The following MATN2 variants were observed in gnomAD, a reference collection of about 807,000 sequenced individuals.
The protein encoded by MATN2 is matrilin-2.
A neutral mutation model predicts 103.2 loss-of-function variants in MATN2; 69 were observed. The observed-to-expected ratio is 0.67, with a 90% CI of 0.55 to 0.82. MATN2 has a LOEUF of 0.82. Ranked by LOEUF, MATN2 falls within the 40% of genes least tolerant of loss-of-function variation. The probability of loss-of-function intolerance (pLI) is 0.00; values close to 1 mark genes in which losing one functional copy is unlikely to be tolerated. For missense variants in MATN2, 1,023 were observed against 1,211.5 expected (o/e 0.84, Z 2.31); for synonymous variants, 429 against 450.2 (o/e 0.95, Z 0.60).
intron 2 of MATN2, among the ~76,000 whole-genome samples, chr8:97,913,011 G>A (rs1010268998): frequency 3.9e-5 from 6 of 152,290 alleles, no homozygotes; most frequent in Middle Eastern, 6.8e-3. Flanking sequence ...CTGGGATCAG[G>A]ATGGTGCTGC....
At chr8:97,892,428 A>C (rs1818663982) in intron 2 of MATN2, among the ~76,000 whole-genome samples, 1 of 151,108 alleles carries the variant, frequency 6.6e-6, no homozygotes, top group South Asian at 2.1e-4. Flanking sequence ...AAAAAAAAAA[A>C]AAAAAAAAAA....
At chr8:97,963,862 C>T (rs1337872085) in intron 5 of MATN2, among the ~76,000 whole-genome samples, 1 of 152,156 alleles carries the variant, frequency 6.6e-6, no homozygotes, top group African/African-American at 2.4e-5. Flanking sequence ...ATTAAGCAGG[C>T]AGTACTTTTG....
chr8:98,015,923 T>C (rs1475056170), intron 10 of MATN2, among the ~76,000 whole-genome samples: 3 of 152,196 alleles, frequency 2.0e-5, no homozygotes, highest in African/African-American at 4.8e-5. Context: ...CTAAGTGTAA[T>C]ATATACATAC....
At chr8:97,960,552 T>C (rs1811277188) in intron 4 of MATN2, among the ~76,000 whole-genome samples, 1 of 152,230 alleles carries the variant, frequency 6.6e-6, no homozygotes, top group Non-Finnish European at 1.5e-5. Flanking sequence ...TTAGTGGACA[T>C]GTAATAAATA....
intron 3 of MATN2, among the ~76,000 whole-genome samples, chr8:97,940,922 G>C (rs1810529598): frequency 6.6e-6 from 1 of 152,092 alleles, no homozygotes; most frequent in Non-Finnish European, 1.5e-5. Flanking sequence ...ACTTTGGGAG[G>C]CCAAACTGGG....
chr8:97,981,938 CG>C (rs1812039623), intron 6 of MATN2, among the ~76,000 whole-genome samples: 1 of 150,218 alleles, frequency 6.7e-6, no homozygotes, highest in Admixed American at 6.9e-5. Context: ...CTAGGAGCCA[CG>C]GGAGGGGCTG....
In MATN2 at chr8:98,016,822, T is replaced by C. The variant is rs140240747; in HGVS notation, c.1696+160T>C. ...GGACCCTGAAAGAGAAAATGGACAT[T>C]AGGGAAAAAATAAGTAAATGTCAAT... On this transcript the variant is annotated intron_variant, in intron 11 of 18. Coordinates refer to ENST00000254898, the MANE Select transcript of MATN2 (RefSeq NM_002380.5). Among the ~76,000 whole-genome samples the C allele has an allele frequency of 3.6e-3, 545 of 152,192 alleles. 4 individuals carry two copies. The highest frequency in any genetic ancestry group is 0.012 in the African/African-American group (510 of 41,538).
rs530881000 is a variant in MATN2 at position 97,974,735 on chromosome 8, G to A, written c.959-4151G>A. 5.3e-5 allele frequency among the ~76,000 whole-genome samples: 8 copies of A among 152,304 alleles called. No individual in the cohort carries two copies. In the South Asian group the frequency reaches 1.7e-3, roughly 32 times the overall value. ...GCTGGGATTACAGGCTTGAGCCACC[G>A]CGTCCAGCCCCAGCCCAGTTTTTAT... is the stretch of plus-strand genomic sequence containing the variant. On this transcript the variant is annotated intron_variant, in intron 5 of 18. Coordinates refer to ENST00000254898, the MANE Select transcript of MATN2 (RefSeq NM_002380.5).
At position 98,004,155 on chromosome 8, in the gene MATN2, G is replaced by C. The variant is rs188770102; in HGVS notation, c.1327+372G>C. 1.2e-3 allele frequency: 262 copies of C among 222,540 alleles called. 3 individuals are homozygous for C. The highest frequency in any genetic ancestry group is 5.4e-3 in the African/African-American group (242 of 45,064). 13.8% of individuals were successfully genotyped at this position (222,540 alleles called of 1,614,324 possible). A position where few individuals can be genotyped will look rare whatever the true frequency, so the allele number is the denominator to read the frequency against. On this transcript the variant is annotated intron_variant, in intron 8 of 18. Coordinates refer to ENST00000254898, the MANE Select transcript of MATN2 (RefSeq NM_002380.5). ...TACAAAAAATTAGCTGGGTGTGGTGGTGGGTGCCTATAATCCCAGCTACTC... is the reference window on the plus strand; with the variant it reads ...TACAAAAAATTAGCTGGGTGTGGTGCTGGGTGCCTATAATCCCAGCTACTC...
rs571092875 is a variant in MATN2 at position 98,032,136 on chromosome 8, C to T, written c.2510-110C>T. The T allele has an allele frequency of 2.2e-5, 18 of 808,516 alleles. No homozygotes were observed. In the African/African-American group the frequency reaches 2.4e-4, roughly 11 times the overall value. 50.1% of individuals were successfully genotyped at this position (808,516 alleles called of 1,614,324 possible). On this transcript the variant is annotated intron_variant, in intron 15 of 18. Coordinates refer to ENST00000254898, the MANE Select transcript of MATN2 (RefSeq NM_002380.5). ...GGTGTTACCAAACAAAACTAAAAAA[C>T]CTTAGGTTATGGCAGGTAGGTAAGG...
At chr8:97,900,543 C>G (rs1818944647) in intron 2 of MATN2, among the ~76,000 whole-genome samples, 1 of 152,174 alleles carries the variant, frequency 6.6e-6, no homozygotes, top group African/African-American at 2.4e-5. Context: ...TTGGCAAAGG[C>G]TGGGAAGGGC....
At chr8:97,943,232 C>T (rs1279750479) in intron 4 of MATN2, among the ~76,000 whole-genome samples, 1 of 152,138 alleles carries the variant, frequency 6.6e-6, no homozygotes, top group Admixed American at 6.5e-5. Flanking sequence ...AGACACCCCC[C>T]TCTAGACACC....
intron 13 of MATN2, among the ~76,000 whole-genome samples, chr8:98,024,688 G>A (rs1461821299): frequency 6.6e-6 from 1 of 152,200 alleles, no homozygotes; most frequent in East Asian, 1.9e-4. Flanking sequence ...GCAACAGCAG[G>A]GCTGGAGTAG....
intron 2 of MATN2, among the ~76,000 whole-genome samples, chr8:97,928,130 G>A (rs542940788): frequency 3.9e-4 from 59 of 151,922 alleles, no homozygotes; most frequent in African/African-American, 1.4e-3. Flanking sequence ...TCCTTCCTGG[G>A]ATCTGCAGAT....
chr8:98,017,429 G>A (rs1173200383), intron 11 of MATN2, among the ~76,000 whole-genome samples: 1 of 152,198 alleles, frequency 6.6e-6, no homozygotes, highest in African/African-American at 2.4e-5. Context: ...AATCAAAGGG[G>A]AGTGTGTGAC....
intron 4 of MATN2, among the ~76,000 whole-genome samples, chr8:97,947,699 T>C (rs1810799248): frequency 6.6e-6 from 1 of 152,228 alleles, no homozygotes; most frequent in Non-Finnish European, 1.5e-5. Context: ...AATTGATCCA[T>C]AGATTCAAAG....
At position 97,936,174 on chromosome 8, in the gene MATN2, C is replaced by A. The variant is rs114110188; in HGVS notation, c.712+4652C>A. ...CAAACCCCACACATCCTGGAGTCTG[C>A]CATTTTTGCCACCCAGTAAGAGAAA... is the stretch of plus-strand genomic sequence containing the variant. On this transcript the variant is annotated intron_variant, in intron 3 of 18. Coordinates refer to ENST00000254898, the MANE Select transcript of MATN2 (RefSeq NM_002380.5). Among the ~76,000 whole-genome samples, 369 of 152,306 alleles carry A rather than the reference C, an allele frequency of 2.4e-3. 4 individuals are homozygous for A. Among genetic ancestry groups the A allele is most frequent in the African/African-American group, 8.4e-3 (348 of 41,566 alleles).
intron 2 of MATN2, among the ~76,000 whole-genome samples, chr8:97,901,141 C>T (rs1317662839): frequency 1.3e-5 from 2 of 152,154 alleles, no homozygotes; most frequent in African/African-American, 4.8e-5. Context: ...CAGGCCTCTC[C>T]ATTCTCCTCT....
rs1810182617 is a variant in MATN2 at position 97,931,294 on chromosome 8, C to T, written c.484C>T (p.Pro162Ser). The T allele has an allele frequency of 6.2e-7, 1 of 1,613,898 alleles. No homozygotes were observed. Among genetic ancestry groups the T allele is most frequent in the Non-Finnish European group, 8.5e-7 (1 of 1,179,862 alleles). The change falls in exon 3 of 19, where the codon CCA becomes TCA. Residue 162 changes from proline to serine, a missense_variant. Coordinates refer to ENST00000254898, the MANE Select transcript of MATN2 (RefSeq NM_002380.5). The surrounding 1 kb of genome is among the most constrained non-coding windows in gnomAD (Gnocchi z 4.1). ...GGCCCGGCCCCTGAGGGAGAATGTG[C>T]CACGGGTCATAATGATCGTGACAGA... The part of the protein sequence containing the change: ...EGARPLRENV[P>S]RVIMIVTDGR...
Sources: gnomAD v4.1 joint callset for allele counts (sites outside exome capture counted in the v4.1 genomes callset) on GRCh38, gnomAD v4.1.1 for gene constraint, Gnocchi (gnomAD v3.1) non-coding constraint, MANE v1.5 for transcripts, NCBI Gene and HGNC (gene_info 2026-07-23, HGNC 2026-07-21) for gene names.